Variants in REELD1 observed in about 807,000 individuals in gnomAD.
REELD1 encodes reeler domain containing 1.
In REELD1, 12 loss-of-function variants were observed where a neutral mutation model predicts 6.3. The ratio of observed to expected loss-of-function variants is 1.89; its 90% confidence interval spans 1.21 to 3.07. REELD1 has a LOEUF of 3.07. Ranked by LOEUF, REELD1 falls within the 30% of genes most tolerant of loss-of-function variation. The pLI, the probability that REELD1 is intolerant of heterozygous loss-of-function variation, is 0.00. For missense variants in REELD1, 163 were observed against 86.8 expected, an observed-to-expected ratio of 1.88 and a Z score of -3.49; for synonymous variants, 57 against 33.6, an observed-to-expected ratio of 1.70 and a Z score of -2.42.
At position 146,228,305 on chromosome 4, in the gene REELD1, C is replaced by A. The variant is rs1402001407; in HGVS notation, c.691C>A (p.Pro231Thr). Reference sequence around the variant, plus strand: ...AGAGGAGGACAACCTAGATCCTGTTCCTGCCAGTATTTGGGTGACAAAGTT... The same window carrying A: ...AGAGGAGGACAACCTAGATCCTGTTACTGCCAGTATTTGGGTGACAAAGTT... ...AAEEDNLDPV[P>T]ASIWVTKFPG... Residue 231 changes from proline (P) to threonine (T), a missense_variant, in exon 6 of 8, where the codon CCT (proline) becomes ACT (threonine). Pro to Thr is a conservative substitution (Grantham distance 38, BLOSUM62 -1). Transcript: ENST00000623665. 2 of 702,448 alleles carry A rather than the reference C, an allele frequency of 2.8e-6. No homozygotes were observed. The highest frequency in any genetic ancestry group is 5.2e-6 in the Non-Finnish European group (2 of 385,022). 43.5% of individuals were successfully genotyped at this position (702,448 alleles called of 1,614,324 possible). A position where few individuals can be genotyped will look rare whatever the true frequency, so the allele number is the denominator to read the frequency against.
At chr4:146,223,010 G>T (rs1730951102) in intron 4 of REELD1, among the ~76,000 whole-genome samples, 1 of 152,108 alleles carries the variant, frequency 6.6e-6, no homozygotes, top group Admixed American at 6.5e-5. Flanking sequence ...TTCTATAAAT[G>T]GGCATAACCA....
chr4:146,222,444 T>C lies in REELD1; in HGVS notation c.296T>C (p.Leu99Pro). The C allele has an allele frequency of 2.5e-6, 1 of 398,642 alleles. No individual in the cohort carries two copies. The highest frequency in any genetic ancestry group is 1.3e-4 in the South Asian group (1 of 7,856). 24.7% of individuals were successfully genotyped at this position (398,642 alleles called of 1,614,324 possible). A position where few individuals can be genotyped will look rare whatever the true frequency, so the allele number is the denominator to read the frequency against. The change falls in exon 4 of 8, where the codon CTC becomes CCC. Residue 99 changes from leucine (L) to proline (P), a missense_variant. Transcript: ENST00000623665. ...CATCAAATCGCTGGCACTTTCGTTC[T>C]CATTCCTCCTCATTCCAAACTGATG... ...SDHQIAGTFV[L>P]IPPHSKLMTC... is the part of the protein sequence containing the mutation.
intron 4 of REELD1, among the ~76,000 whole-genome samples, chr4:146,223,747 G>A (rs1394743119): frequency 1.3e-5 from 2 of 152,210 alleles, no homozygotes; most frequent in Non-Finnish European, 1.5e-5. Context: ...AATGTCCGCC[G>A]AGTCTGGAAA....
intron 3 of REELD1, among the ~76,000 whole-genome samples, chr4:146,219,938 GTTTGTTTT>G (rs1730892092): frequency 6.7e-6 from 1 of 149,446 alleles, no homozygotes; most frequent in South Asian, 2.1e-4. Context: ...TTGTTTTTTT[GTTTGTTTT>G]TTTGTTTGTT....
chr4:146,214,953 A>C (rs1730798592), intron 1 of REELD1, 123 bp from the exon 2 acceptor site: 1 of 152,198 alleles, frequency 6.6e-6, no homozygotes, highest in Non-Finnish European at 1.5e-5. Flanking sequence ...GTAGTCTGTG[A>C]GTCCAGGCAC....
intron 2 of REELD1, among the ~76,000 whole-genome samples, chr4:146,216,286 AT>A (rs1730824500): frequency 6.6e-6 from 1 of 152,236 alleles, no homozygotes; most frequent in African/African-American, 2.4e-5. Context: ...TGTTATCAGT[AT>A]GTTTAAGAAG....
At chr4:146,228,173 C>G (rs1731058179) in intron 5 of REELD1, 37 bp from the exon 6 acceptor site, 5 of 681,564 alleles carry the variant, frequency 7.3e-6, no homozygotes, top group Non-Finnish European at 1.3e-5. Flanking sequence ...GGAAAATGCT[C>G]TCACTCACTC....
chr4:146,230,472 T>C lies in REELD1; in HGVS notation c.1540T>C (p.Trp514Arg), dbSNP rs1041569929. The C allele has an allele frequency of 2.5e-6, 1 of 398,688 alleles. No individual in the cohort carries two copies. The highest frequency in any genetic ancestry group is 4.4e-6 in the Non-Finnish European group (1 of 226,100). The allele number at this position is 398,688 out of a possible 1,614,324, so 24.7% of individuals were successfully genotyped here. ...SFVLVQAEYN[W>R]ITPSVGSKKT... ...TGTTTTGGTTCAAGCAGAGTACAAC[T>C]GGATCACTCCTTCTGTGGGTAGCAA... The change falls in exon 8 of 8, where the codon TGG becomes CGG. Residue 514 changes from tryptophan to arginine, a missense_variant. Trp to Arg is a moderately radical substitution (Grantham distance 101, BLOSUM62 -3). Coordinates refer to ENST00000623665, the MANE Select transcript of REELD1 (RefSeq NM_001354631.1).
intron 7 of REELD1, 115 bp downstream of exon 7, chr4:146,229,203 G>GAAGA: frequency 1.6e-6 from 1 of 640,054 alleles, no homozygotes; most frequent in Non-Finnish European, 2.8e-6. Context: ...GAGAGAAGAA[G>GAAGA]GCAAAGTACA....
At chr4:146,226,288 C>G (rs1226412731) in intron 5 of REELD1, among the ~76,000 whole-genome samples, 1 of 152,150 alleles carries the variant, frequency 6.6e-6, no homozygotes, top group African/African-American at 2.4e-5. Flanking sequence ...CTGGACTGTT[C>G]CACACAACAG....
intron 2 of REELD1, among the ~76,000 whole-genome samples, chr4:146,215,651 ATTTTTTTT>A (rs3029290): frequency 3.5e-5 from 3 of 86,670 alleles, no homozygotes; most frequent in Non-Finnish European, 4.5e-5. Flanking sequence ...AGGGGAGGGC[ATTTTTTTT>A]TTTTTTTTTT....
rs1405806923 is a variant in REELD1, at chr4:146,230,195, C to G, written c.1263C>G (p.Asn421Lys). ...EGGVGYPRQTNPRPDIGLEGA... is the reference protein window; with the variant it reads ...EGGVGYPRQTKPRPDIGLEGA... ...GAGTGGGATACCCTCGGCAGACCAACCCACGGCCTGACATTGGGCTAGAGG... is the reference window on the plus strand; with the variant it reads ...GAGTGGGATACCCTCGGCAGACCAAGCCACGGCCTGACATTGGGCTAGAGG... Residue 421 changes from asparagine (N) to lysine (K), a missense_variant, in exon 8 of 8, where the codon AAC (asparagine) becomes AAG (lysine). By Grantham distance (94) the Asn-to-Lys change is moderately conservative. Transcript: ENST00000623665. The G allele has an allele frequency of 2.5e-6, 1 of 398,664 alleles. No homozygotes were observed. The highest frequency in any genetic ancestry group is 3.6e-5 in the East Asian group (1 of 28,086). 24.7% of individuals were successfully genotyped at this position (398,664 alleles called of 1,614,324 possible).
At chr4:146,224,317 TCTG>T (rs1350786288) in intron 4 of REELD1, 125 bp from the exon 5 acceptor site, 5 of 444,138 alleles carry the variant, frequency 1.1e-5, no homozygotes, top group African/African-American at 1.0e-4. Context: ...TCTCTCTCAT[TCTG>T]CTATTTATTT....
intron 5 of REELD1, among the ~76,000 whole-genome samples, chr4:146,227,583 C>T (rs962035524): frequency 6.6e-6 from 1 of 152,206 alleles, no homozygotes; most frequent in East Asian, 1.9e-4. Context: ...GGGAGGACTT[C>T]CCCAAAGCCA....
chr4:146,228,754 T>C (rs550024467), intron 6 of REELD1, among the ~76,000 whole-genome samples: 2 of 152,274 alleles, frequency 1.3e-5, no homozygotes, highest in South Asian at 4.2e-4. Context: ...AGTAAAACTT[T>C]AAAAGTGACT....
intron 3 of REELD1, among the ~76,000 whole-genome samples, chr4:146,221,115 C>T (rs185537756): frequency 4.6e-5 from 7 of 152,312 alleles, no homozygotes; most frequent in Admixed American, 6.5e-5. Context: ...TGGCATTAAG[C>T]GCATTCACAT....
Position 146,224,587 on chromosome 4 carries a change from G to A in REELD1, c.574G>A (p.Asp192Asn), listed in dbSNP as rs920445599. ...GCCAAACCTTCACCAGAGGCTGGGC[G>A]ATGTTGAAGGAGCTGCTCCAGGTAC... is the stretch of plus-strand genomic sequence containing the variant. ...LMPNLHQRLGDVEGAAPAPRT... is the reference protein window; with the variant it reads ...LMPNLHQRLGNVEGAAPAPRT... The change falls in exon 5 of 8, where the codon GAT becomes AAT. Residue 192 changes from aspartate to asparagine, a missense_variant. Transcript: ENST00000623665. 11 of 702,084 alleles carry A rather than the reference G, an allele frequency of 1.6e-5. No individual in the cohort carries two copies. Among genetic ancestry groups the A allele is most frequent in the African/African-American group, 8.7e-5 (5 of 57,250 alleles). The allele number at this position is 702,084 out of a possible 1,614,324, so 43.5% of individuals were successfully genotyped here.
intron 4 of REELD1, 56 bp downstream of exon 4, chr4:146,222,635 G>A (rs1023166643): frequency 2.8e-5 from 11 of 398,182 alleles, no homozygotes; most frequent in Middle Eastern, 6.2e-4. Flanking sequence ...TGGAGAGAGG[G>A]GAGCTTCTCT....
intron 4 of REELD1, among the ~76,000 whole-genome samples, chr4:146,223,480 G>A (rs1350343029): frequency 6.6e-6 from 1 of 152,198 alleles, no homozygotes; most frequent in Non-Finnish European, 1.5e-5. Flanking sequence ...CCCAGCTTCT[G>A]CCCTTGGCTT....
Sources: gnomAD v4.1 joint callset for allele counts (sites outside exome capture counted in the v4.1 genomes callset) on GRCh38, gnomAD v4.1.1 for gene constraint, MANE v1.5 for transcripts, NCBI Gene and HGNC (gene_info 2026-07-23, HGNC 2026-07-21) for gene names.